Variants in MAF observed in about 807,000 individuals in gnomAD.
MAF encodes the protein MAF bZIP transcription factor.
A neutral mutation model predicts 22.0 loss-of-function variants in MAF; 10 were observed. The observed-to-expected ratio is 0.45, with a 90% confidence interval of 0.28 to 0.77. MAF has a LOEUF of 0.77. MAF is among the 30% of genes least tolerant of loss of function. The pLI, the probability that MAF is intolerant of heterozygous loss-of-function variation, is 0.12. For missense variants in MAF, 544 were observed against 548.4 expected (o/e 0.99, Z 0.08); for synonymous variants, 337 against 255.8 (o/e 1.32, Z -3.03).
At chr16:79,523,587 G>A in the MAF span, among the ~76,000 whole-genome samples, 1 of 152,196 alleles carries the variant, frequency 6.6e-6, no homozygotes, top group African/African-American at 2.4e-5. Flanking sequence ...TGCCTCAAGA[G>A]TTTAGTGAAG....
At chr16:79,531,772 T>C in the MAF span, among the ~76,000 whole-genome samples, 1 of 152,148 alleles carries the variant, frequency 6.6e-6, no homozygotes, top group Non-Finnish European at 1.5e-5. Flanking sequence ...CACTCATCAC[T>C]CTTTCTGCTG....
the MAF span, among the ~76,000 whole-genome samples, chr16:79,458,320 T>A: frequency 4.9e-4 from 75 of 152,206 alleles, no homozygotes; most frequent in African/African-American, 1.7e-3. Context: ...CTGTGCATGG[T>A]TGGGGACAAG....
chr16:79,548,006 A>G, the MAF span, among the ~76,000 whole-genome samples: 1 of 152,204 alleles, frequency 6.6e-6, no homozygotes, highest in Admixed American at 6.5e-5. Flanking sequence ...GGCTCAGCAA[A>G]GAAACAGGTT....
chr16:79,242,726 T>C, the MAF span, among the ~76,000 whole-genome samples: 1 of 152,022 alleles, frequency 6.6e-6, no homozygotes, highest in African/African-American at 2.4e-5. Context: ...TACAGAACTC[T>C]CCACCCCAAA....
chr16:79,341,322 G>A, the MAF span, among the ~76,000 whole-genome samples: 5 of 152,198 alleles, frequency 3.3e-5, no homozygotes, highest in African/African-American at 1.2e-4. Flanking sequence ...TAGCGCTATG[G>A]TGAGAATTAA....
At chr16:79,506,796 G>C in the MAF span, among the ~76,000 whole-genome samples, 1 of 152,156 alleles carries the variant, frequency 6.6e-6, no homozygotes, top group South Asian at 2.1e-4. Context: ...GAGTGAAGAA[G>C]AGAGATGGGG....
the MAF span, among the ~76,000 whole-genome samples, chr16:79,442,098 G>A: frequency 6.6e-6 from 1 of 152,214 alleles, no homozygotes; most frequent in African/African-American, 2.4e-5. Context: ...AAGTGGCCCT[G>A]CCCACACCTT....
chr16:79,299,933 C>T, the MAF span, among the ~76,000 whole-genome samples: 1 of 152,232 alleles, frequency 6.6e-6, no homozygotes, highest in African/African-American at 2.4e-5. Flanking sequence ...ACAGGGCTTT[C>T]TGACCCATTG....
chr16:79,524,940 A>T, the MAF span, among the ~76,000 whole-genome samples: 1 of 152,196 alleles, frequency 6.6e-6, no homozygotes, highest in Admixed American at 6.5e-5. Flanking sequence ...GGTTTGCTTT[A>T]AGTAGAGCAG....
chr16:79,242,960 T>C, the MAF span, among the ~76,000 whole-genome samples: 4 of 151,876 alleles, frequency 2.6e-5, no homozygotes, highest in Admixed American at 1.3e-4. Context: ...GCTGGGTAAA[T>C]AACAAAATGA....
the MAF span, among the ~76,000 whole-genome samples, chr16:79,447,988 G>C: frequency 1.5e-4 from 22 of 151,420 alleles, no homozygotes; most frequent in Non-Finnish European, 2.8e-4. Flanking sequence ...GAATGAATGA[G>C]ATGTTGCTGC....
At chr16:79,516,433 A>G in the MAF span, 1 of 152,220 alleles carries the variant, frequency 6.6e-6, no homozygotes, top group African/African-American at 2.4e-5. Context: ...AAATTTCCTT[A>G]GAACAAGGCA....
the MAF span, among the ~76,000 whole-genome samples, chr16:79,488,077 A>G: frequency 0.78 from 118,671 of 152,136 alleles, 46,537 homozygotes; most frequent in Middle Eastern, 0.88. Context: ...GACTTAAAAA[A>G]TCTGTCCCTG....
chr16:79,311,784 G>C, the MAF span, among the ~76,000 whole-genome samples: 3 of 152,122 alleles, frequency 2.0e-5, no homozygotes, highest in African/African-American at 7.2e-5. Context: ...GCAAATCCAG[G>C]GCCACTGAGT....
At chr16:79,262,894 G>C in the MAF span, among the ~76,000 whole-genome samples, 1 of 152,144 alleles carries the variant, frequency 6.6e-6, no homozygotes, top group Non-Finnish European at 1.5e-5. Context: ...GAAGAACTTA[G>C]GAGTGGCATC....
the MAF span, among the ~76,000 whole-genome samples, chr16:79,519,026 C>T: frequency 1.3e-5 from 2 of 152,170 alleles, no homozygotes; most frequent in African/African-American, 2.4e-5. Context: ...ATGGAAGAGC[C>T]ATGCATCTAT....
At chr16:79,500,835 A>G in the MAF span, among the ~76,000 whole-genome samples, 3 of 152,176 alleles carry the variant, frequency 2.0e-5, no homozygotes, top group Admixed American at 6.5e-5. Flanking sequence ...TGGATGAGAC[A>G]TATAGCTAGA....
the MAF span, among the ~76,000 whole-genome samples, chr16:79,294,459 C>T: frequency 6.6e-6 from 1 of 152,146 alleles, no homozygotes; most frequent in African/African-American, 2.4e-5. Flanking sequence ...GTCACTGTCT[C>T]CAACTGACAA....
chr16:79,578,598 C>T, the MAF span, among the ~76,000 whole-genome samples: 4 of 151,896 alleles, frequency 2.6e-5, no homozygotes, highest in Non-Finnish European at 5.9e-5. Flanking sequence ...CTACAAGACT[C>T]CCCCAATAAA....
Sources: allele counts gnomAD v4.1 joint callset (sites outside exome capture counted in the v4.1 genomes callset), GRCh38; gene constraint gnomAD v4.1.1; transcripts MANE v1.5; gene names NCBI Gene and HGNC (gene_info 2026-07-23, HGNC 2026-07-21).